The following SULT6B1 variants were observed in gnomAD, a reference collection of about 807,000 sequenced individuals.
The protein encoded by SULT6B1 is sulfotransferase 6B1.
A neutral mutation model predicts 37.2 loss-of-function variants in SULT6B1; 44 were observed. That is an observed-to-expected ratio of 1.18 (90% CI 0.93 to 1.52). SULT6B1 has a LOEUF of 1.52. SULT6B1 is among the 40% of genes most tolerant of loss of function. The probability of loss-of-function intolerance (pLI) is 0.00; values close to 1 mark genes in which losing one functional copy is unlikely to be tolerated. For missense variants in SULT6B1, 450 were observed against 361.0 expected, an observed-to-expected ratio of 1.25 and a Z score of -2.00; for synonymous variants, 140 against 126.0, an observed-to-expected ratio of 1.11 and a Z score of -0.74.
At chr2:37,173,248 T>C (rs1244181798) in intron 5 of SULT6B1, among the ~76,000 whole-genome samples, 1 of 152,190 alleles carries the variant, frequency 6.6e-6, no homozygotes, top group Admixed American at 6.5e-5. Context: ...CTCTTTAACA[T>C]GCTTTCTCCA....
chr2:37,181,827 T>C (rs1319014094), intron 3 of SULT6B1, among the ~76,000 whole-genome samples: 1 of 152,192 alleles, frequency 6.6e-6, no homozygotes, highest in Non-Finnish European at 1.5e-5. Context: ...CTGCATTCAA[T>C]GGGGGAAATT....
chr2:37,193,671 A>T (rs1053082581), intron 1 of SULT6B1, among the ~76,000 whole-genome samples: 12 of 152,038 alleles, frequency 7.9e-5, no homozygotes, highest in Non-Finnish European at 1.6e-4. Flanking sequence ...GAGAAGAAGG[A>T]GAAGAAGGAG....
At chr2:37,188,870 T>C (rs891810999), upstream of SULT6B1, among the ~76,000 whole-genome samples, 1 of 152,198 alleles carries the variant, frequency 6.6e-6, no homozygotes, top group African/African-American at 2.4e-5. Flanking sequence ...GCTGATTACA[T>C]GACCATTTCG....
intron 5 of SULT6B1, among the ~76,000 whole-genome samples, chr2:37,174,348 T>C (rs1676368795): frequency 6.6e-6 from 1 of 150,412 alleles, no homozygotes; most frequent in Non-Finnish European, 1.5e-5. Context: ...GATCCTCCTG[T>C]CTCAGCTTCC....
rs1676722392 is a variant in SULT6B1, at chr2:37,188,601, C to A, written c.40G>T (p.Ala14Ser). The A allele has an allele frequency of 6.7e-6, 10 of 1,496,256 alleles. No homozygotes were observed. Among genetic ancestry groups the A allele is most frequent in the Non-Finnish European group, 9.3e-6 (10 of 1,073,506 alleles). The allele number at this position is 1,496,256 out of a possible 1,614,324, so 92.7% of individuals were successfully genotyped here. ...KSKFIEYIDE[A>S]LEKSKETALS... The stretch of plus-strand genomic sequence containing the variant: ...GCAGTTTCTTTTGATTTTTCTAAAG[C>A]TTCGTCAATGTATTCAATAAATTTG... The change falls in exon 1 of 7, where the codon GCT becomes TCT. Residue 14 changes from alanine to serine, a missense_variant. Transcript: ENST00000535679.
rs557385604 is a variant in SULT6B1 at position 37,183,105 on chromosome 2, C to T, written c.402+320G>A. Among the ~76,000 whole-genome samples the T allele has an allele frequency of 7.1e-3, 1,079 of 152,222 alleles. 6 individuals carry two copies. The highest frequency in any genetic ancestry group is 0.013 in the Non-Finnish European group (907 of 67,990). ...AGAAAGAAAGGAACAATTTTTTTCT[C>T]ATTTTACTAAATTGTATTTTTTGTG... On this transcript the variant is annotated intron_variant, in intron 3 of 6. Coordinates refer to ENST00000535679, the MANE Select transcript of SULT6B1 (RefSeq NM_001367551.1).
intron 5 of SULT6B1, among the ~76,000 whole-genome samples, chr2:37,174,561 T>G (rs1162999377): frequency 6.6e-6 from 1 of 152,176 alleles, no homozygotes; most frequent in Non-Finnish European, 1.5e-5. Context: ...CCAGCATTTT[T>G]AATTTTCCTT....
intron 4 of SULT6B1, among the ~76,000 whole-genome samples, chr2:37,176,672 A>ATACC (rs1392352429): frequency 2.0e-5 from 3 of 152,140 alleles, no homozygotes; most frequent in Admixed American, 2.0e-4. Context: ...TCTGTCACAA[A>ATACC]TACCGTAAGT....
intron 4 of SULT6B1, among the ~76,000 whole-genome samples, chr2:37,176,049 G>A (rs555248541): frequency 6.6e-6 from 1 of 152,170 alleles, no homozygotes; most frequent in African/African-American, 2.4e-5. Flanking sequence ...GTGCTCCGTT[G>A]TCACATATGG....
intron 2 of SULT6B1, 44 bp from the exon 3 acceptor site, chr2:37,183,558 A>G (rs751986540): frequency 8.4e-6 from 12 of 1,434,488 alleles, no homozygotes; most frequent in South Asian, 4.6e-5. Flanking sequence ...ACGTGTGTGC[A>G]TGTGTGTGTG....
intron 6 of SULT6B1, among the ~76,000 whole-genome samples, chr2:37,171,095 T>C (rs1676286835): frequency 6.6e-6 from 1 of 151,994 alleles, no homozygotes; most frequent in Non-Finnish European, 1.5e-5. Context: ...AAAAATTAAC[T>C]GGGTGTGGTG....
intron 1 of SULT6B1, among the ~76,000 whole-genome samples, chr2:37,194,091 C>A (rs1205362691): frequency 6.6e-6 from 1 of 151,772 alleles, no homozygotes; most frequent in East Asian, 1.9e-4. Context: ...TCTGTTTTTT[C>A]GTGAAAGAAA....
intron 6 of SULT6B1, 102 bp from the exon 7 acceptor site, chr2:37,168,167 A>G: frequency 8.4e-7 from 1 of 1,195,716 alleles, no homozygotes; most frequent in East Asian, 2.9e-5. Flanking sequence ...GTTAAAATGG[A>G]CACATGGAAA....
At chr2:37,193,349 C>A (rs1236644759), upstream of SULT6B1, among the ~76,000 whole-genome samples, 2 of 149,930 alleles carry the variant, frequency 1.3e-5, no homozygotes, top group Non-Finnish European at 3.0e-5. Context: ...GTAGTCCCAA[C>A]TACTTGGGAG....
intron 6 of SULT6B1, among the ~76,000 whole-genome samples, chr2:37,168,790 T>C (rs1676235494): frequency 6.6e-6 from 1 of 152,246 alleles, no homozygotes; most frequent in Non-Finnish European, 1.5e-5. Context: ...ATGTTTTTTC[T>C]TACTGGCTGT....
chr2:37,182,569 T>C (rs911843386), intron 3 of SULT6B1, among the ~76,000 whole-genome samples: 5 of 152,178 alleles, frequency 3.3e-5, no homozygotes, highest in Admixed American at 3.3e-4. Flanking sequence ...CTTCAAGTGA[T>C]CTGCCCACCT....
chr2:37,177,408 T>C (rs1676453195), intron 4 of SULT6B1, among the ~76,000 whole-genome samples: 1 of 73,072 alleles, frequency 1.4e-5, no homozygotes, highest in African/African-American at 6.1e-5. Flanking sequence ...TGAAATCTTG[T>C]CTCAAAAAAA....
chr2:37,194,896 CTTT>C (rs1676871554), intron 1 of SULT6B1, among the ~76,000 whole-genome samples: 2 of 24,678 alleles, frequency 8.1e-5, no homozygotes, highest in African/African-American at 1.8e-4. Flanking sequence ...TTCCTTCCTT[CTTT>C]CCTTCCTTCC....
intron 2 of SULT6B1, 82 bp downstream of exon 2, chr2:37,187,273 A>G: frequency 1.1e-6 from 1 of 947,002 alleles, no homozygotes; most frequent in Non-Finnish European, 1.7e-6. Context: ...GCACTTTCTA[A>G]ACTGAAAACT....
Sources: gnomAD v4.1 joint callset for allele counts (sites outside exome capture counted in the v4.1 genomes callset) on GRCh38, gnomAD v4.1.1 for gene constraint, MANE v1.5 for transcripts, NCBI Gene and HGNC (gene_info 2026-07-23, HGNC 2026-07-21) for gene names.